FCN2: variants seen among roughly 807,000 people sequenced by gnomAD.
FCN2 encodes the protein ficolin 2.
FCN2 carries 31 observed loss-of-function variants against 32.5 expected under a neutral mutation model. That is an observed-to-expected ratio of 0.96 (90% CI 0.72 to 1.29). FCN2 has a LOEUF of 1.29. FCN2 is among the 50% of genes most tolerant of loss of function. The pLI is 0.00. For synonymous variants in FCN2, 181 were observed against 164.5 expected (o/e 1.10, Z -0.77); for missense variants, 412 against 406.5 (o/e 1.01, Z -0.12).
At chr9:134,885,166 A>G (rs1280916704) in intron 4 of FCN2, 73 bp from the exon 5 acceptor site, 1 of 1,600,878 alleles carries the variant, frequency 6.2e-7, no homozygotes, top group Non-Finnish European at 8.5e-7. Flanking sequence ...TCTTCCTCCC[A>G]GGCCTCCCTC....
chr9:134,880,560 C>T (rs975878226), upstream of FCN2, among the ~76,000 whole-genome samples: 2 of 152,248 alleles, frequency 1.3e-5, no homozygotes, highest in Admixed American at 6.5e-5. Context: ...GGCCTGGGCT[C>T]TTTGCCCAAG....
rs1363696419 is a variant in FCN2, at chr9:134,887,333, T to C, written c.860T>C (p.Phe287Ser). 1 of 1,613,996 alleles carries C rather than the reference T, an allele frequency of 6.2e-7. No homozygotes were observed. Among genetic ancestry groups the C allele is most frequent in the Non-Finnish European group, 8.5e-7 (1 of 1,180,028 alleles). The change falls in exon 8 of 8, where the codon TTT (phenylalanine) becomes TCT (serine). Residue 287 changes from phenylalanine to serine, a missense_variant. By Grantham distance (155) the Phe-to-Ser change is radical (BLOSUM62 -2). Coordinates refer to ENST00000291744, the MANE Select transcript of FCN2 (RefSeq NM_004108.3). ...GRYLRGTHGS[F>S]ANGINWKSGK... is the part of the protein sequence containing the mutation. ...TACCTCAGGGGGACTCATGGCAGCT[T>C]TGCAAATGGCATCAACTGGAAGTCG...
At chr9:134,880,981 G>A (rs767002236) in intron 1 of FCN2, 60 bp downstream of exon 1, 47 of 1,255,916 alleles carry the variant, frequency 3.7e-5, no homozygotes, top group African/African-American at 5.9e-5. Flanking sequence ...TGGCAGCTTC[G>A]TGATTGGTGG....
chr9:134,877,315 C>G (rs570198190), upstream of FCN2, among the ~76,000 whole-genome samples: 1 of 152,202 alleles, frequency 6.6e-6, no homozygotes, highest in Non-Finnish European at 1.5e-5. Context: ...GAACACCATG[C>G]AAACTGTATT....
At chr9:134,868,898 G>T in the FCN2 span, among the ~76,000 whole-genome samples, 1 of 152,236 alleles carries the variant, frequency 6.6e-6, no homozygotes, top group Non-Finnish European at 1.5e-5. The surrounding 1 kb of genome is among the most constrained non-coding windows in gnomAD (Gnocchi z 4.3). Flanking sequence ...GGGCCACCGT[G>T]CCTGTTTGTG....
At position 134,885,224 on chromosome 9, in the gene FCN2, G is replaced by T. The variant is rs749189570; in HGVS notation, c.302-15G>T. On this transcript the variant is annotated splice_polypyrimidine_tract_variant and intron_variant, in intron 4 of 7. Coordinates refer to ENST00000291744, the MANE Select transcript of FCN2 (RefSeq NM_004108.3). ...GGCTCCTGTCCTGCAGCCATTCCCCGGGTTCCCTTCCCAGGCCCGCGTACC... is the reference window on the plus strand; with the variant it reads ...GGCTCCTGTCCTGCAGCCATTCCCCTGGTTCCCTTCCCAGGCCCGCGTACC... 1 of 1,613,918 alleles carries T rather than the reference G, an allele frequency of 6.2e-7. No homozygotes were observed. The highest frequency in any genetic ancestry group is 8.5e-7 in the Non-Finnish European group (1 of 1,179,950).
At chr9:134,886,202 C>G (rs979061964) in intron 6 of FCN2, among the ~76,000 whole-genome samples, 1 of 152,182 alleles carries the variant, frequency 6.6e-6, no homozygotes, top group African/African-American at 2.4e-5. Context: ...GGGCCCAACC[C>G]CAACTCTGCC....
the FCN2 span, among the ~76,000 whole-genome samples, chr9:134,865,078 C>T: frequency 6.6e-6 from 1 of 152,240 alleles, no homozygotes; most frequent in Non-Finnish European, 1.5e-5. Flanking sequence ...CACTGGAAGA[C>T]CACCCAGCTG....
chr9:134,873,133 T>G, the FCN2 span, among the ~76,000 whole-genome samples: 1 of 4,960 alleles, frequency 2.0e-4, no homozygotes, highest in East Asian at 6.3e-3. Flanking sequence ...GAGGGTTAGT[T>G]TTTTTTTTTA....
At chr9:134,873,298 G>C in the FCN2 span, among the ~76,000 whole-genome samples, 1 of 152,164 alleles carries the variant, frequency 6.6e-6, no homozygotes, top group Non-Finnish European at 1.5e-5. Flanking sequence ...GAAGTCAGAA[G>C]CCTAAAATCA....
intron 4 of FCN2, 123 bp downstream of exon 4, chr9:134,884,895 C>A (rs1356836843): frequency 1.5e-5 from 14 of 930,476 alleles, no homozygotes; most frequent in Non-Finnish European, 2.2e-5. Flanking sequence ...TGGTTGCTTG[C>A]CCGTTTCCTT....
rs1300437938 is a variant in FCN2 at position 134,886,566 on chromosome 9, T to C, written c.694+2T>C. The C allele has an allele frequency of 6.2e-7, 1 of 1,613,810 alleles. No individual in the cohort carries two copies. The highest frequency in any genetic ancestry group is 1.1e-5 in the South Asian group (1 of 91,068). On this transcript the variant is annotated splice_donor_variant, in intron 7 of 7. Transcript: ENST00000291744. LOFTEE classifies it high-confidence loss of function. Reference sequence around the variant, plus strand: ...GGGCCTTCGTGGAGGGCAGTGCGGGTGAGTGTCTGCTTGGGGCTGTGTGGC... The same window carrying C: ...GGGCCTTCGTGGAGGGCAGTGCGGGCGAGTGTCTGCTTGGGGCTGTGTGGC...
At chr9:134,884,224 G>A (rs1475125565) in intron 3 of FCN2, among the ~76,000 whole-genome samples, 3 of 152,206 alleles carry the variant, frequency 2.0e-5, no homozygotes, top group East Asian at 1.9e-4. Flanking sequence ...GGAGAAATAC[G>A]CAGTAGGAAA....
Position 134,882,535 on chromosome 9 carries a change from T to C in FCN2, c.110T>C (p.Met37Thr). The C allele has an allele frequency of 6.2e-7, 1 of 1,614,088 alleles. No individual in the cohort carries two copies. Among genetic ancestry groups the C allele is most frequent in the Non-Finnish European group, 8.5e-7 (1 of 1,179,984 alleles). ...CTGTGTTTTTCTGCAGAGGTGAAGA[T>C]GGTGGGCCTGGAGGGCTCTGACAAG... ...QAADTCPEVK[M>T]VGLEGSDKLT... Residue 37 changes from methionine to threonine, a missense_variant, in exon 2 of 8, where the codon ATG (methionine) becomes ACG (threonine). Physicochemically the swap from Met to Thr is moderately conservative, Grantham distance 81. Coordinates refer to ENST00000291744, the MANE Select transcript of FCN2 (RefSeq NM_004108.3).
chr9:134,868,902 G>A, the FCN2 span, among the ~76,000 whole-genome samples: 3 of 152,220 alleles, frequency 2.0e-5, no homozygotes, highest in Non-Finnish European at 4.4e-5. This position sits in a 1 kb window ranked among gnomAD's most constrained non-coding sequence, Gnocchi z 4.3. Context: ...CACCGTGCCT[G>A]TTTGTGAATA....
intron 1 of FCN2, 94 bp downstream of exon 1, chr9:134,881,015 C>A: frequency 1.1e-6 from 1 of 887,994 alleles, no homozygotes; most frequent in Non-Finnish European, 1.8e-6. Flanking sequence ...AGGCCTTGCA[C>A]CAGGCCGTGT....
At chr9:134,878,977 A>C (rs1045202136), upstream of FCN2, among the ~76,000 whole-genome samples, 3 of 152,246 alleles carry the variant, frequency 2.0e-5, no homozygotes, top group Admixed American at 6.5e-5. Context: ...TCCTTAACTT[A>C]GCCAACTAAA....
upstream of FCN2, among the ~76,000 whole-genome samples, chr9:134,880,181 C>T (rs372876596): frequency 2.0e-5 from 3 of 152,274 alleles, no homozygotes; most frequent in East Asian, 5.8e-4. Context: ...GGTCATAGTC[C>T]CCCAGGCTCC....
At chr9:134,864,961 C>T in the FCN2 span, among the ~76,000 whole-genome samples, 3 of 152,232 alleles carry the variant, frequency 2.0e-5, no homozygotes, top group East Asian at 1.9e-4. Context: ...AATCCTCCTC[C>T]GCAGAAGGGC....
Sources: gnomAD v4.1 joint callset for allele counts (sites outside exome capture counted in the v4.1 genomes callset) on GRCh38, gnomAD v4.1.1 for gene constraint, Gnocchi (gnomAD v3.1) non-coding constraint, MANE v1.5 for transcripts, NCBI Gene and HGNC (gene_info 2026-07-23, HGNC 2026-07-21) for gene names.